FNBP1: variants seen among roughly 807,000 people sequenced by gnomAD.
FNBP1 encodes the protein formin-binding protein 1.
A neutral mutation model predicts 90.6 loss-of-function variants in FNBP1; 26 were observed. That is an observed-to-expected ratio of 0.29 (90% CI 0.21 to 0.40). The LOEUF (loss-of-function observed/expected upper bound fraction) is 0.40. Among genes scored for constraint, FNBP1 ranks in the 10% least tolerant of loss-of-function variants. The pLI is 1.00. For missense variants in FNBP1, 635 were observed against 768.0 expected (o/e 0.83, Z 2.05); for synonymous variants, 260 against 265.2 (o/e 0.98, Z 0.19).
In FNBP1 at chr9:129,925,589, C is replaced by CTTTTT. The variant is rs576015094; in HGVS notation, c.790-437_790-433dup. ...TTGATAATAACTTTTTTCCTAGTAG[C>CTTTTT]TTTTTTTTTTTTTTTTTTTTTTTTG... On this transcript the variant is annotated intron_variant, in intron 8 of 16. Transcript: ENST00000446176. 5.9e-3 allele frequency among the ~76,000 whole-genome samples: 395 copies of CTTTTT among 67,126 alleles called. 21 individuals are homozygous for CTTTTT. Among genetic ancestry groups the CTTTTT allele is most frequent in the African/African-American group, 9.0e-3 (157 of 17,362 alleles). The allele number at this position is 67,126 out of a possible 152,430, so 44.0% of individuals were successfully genotyped here.
At chr9:129,995,085 G>A in intron 1 of FNBP1, 127 bp from the exon 2 acceptor site, 1 of 622,464 alleles carries the variant, frequency 1.6e-6, no homozygotes. Context: ...GATTATACTT[G>A]GGGTGCTTTT....
chr9:130,035,614 A>G (rs962860817), intron 1 of FNBP1, among the ~76,000 whole-genome samples: 1 of 152,214 alleles, frequency 6.6e-6, no homozygotes, highest in Non-Finnish European at 1.5e-5. Flanking sequence ...GTAGGCACTC[A>G]ATAAATGGCA....
chr9:129,999,904 G>A (rs936707373), intron 1 of FNBP1, among the ~76,000 whole-genome samples: 1 of 152,020 alleles, frequency 6.6e-6, no homozygotes, highest in Non-Finnish European at 1.5e-5. Flanking sequence ...AATCTATTAC[G>A]ATTCTTTACT....
intron 11 of FNBP1, 26 bp downstream of exon 11, chr9:129,915,940 G>C: frequency 6.3e-7 from 1 of 1,588,578 alleles, no homozygotes. Flanking sequence ...TTAGACTCAG[G>C]ACATGCATGG....
intron 4 of FNBP1, among the ~76,000 whole-genome samples, chr9:129,972,404 G>C (rs1456518272): frequency 6.6e-6 from 1 of 152,150 alleles, no homozygotes; most frequent in Non-Finnish European, 1.5e-5. Context: ...AGAGTGCTGG[G>C]ATTACCACTT....
Position 130,007,248 on chromosome 9 carries a change from A to AAAG in FNBP1, c.25-12291_25-12290insCTT, listed in dbSNP as rs1260992005. ...CAGAGTGAGATCCTGTCAAAAAAAA[A>AAAG]AAAAAAAAAGAAAAAAAAAAAGAAT... On this transcript the variant is annotated intron_variant, in intron 1 of 16. Coordinates refer to ENST00000446176, the MANE Select transcript of FNBP1 (RefSeq NM_015033.3). 4.0e-5 allele frequency among the ~76,000 whole-genome samples: 6 copies of AAAG among 149,000 alleles called. 1 individual carries two copies. The East Asian group carries it at 9.7e-4, about 24-fold the overall frequency.
chr9:129,899,236 C>CCCAG (rs2036389590), intron 15 of FNBP1, among the ~76,000 whole-genome samples: 1 of 152,016 alleles, frequency 6.6e-6, no homozygotes, highest in South Asian at 2.1e-4. Flanking sequence ...TGCCAGCATG[C>CCCAG]CCAGCCAGTT....
intron 4 of FNBP1, among the ~76,000 whole-genome samples, chr9:129,958,975 A>G (rs1391757589): frequency 3.7e-5 from 5 of 135,806 alleles, no homozygotes; most frequent in East Asian, 2.1e-4. Context: ...GACACAGTGA[A>G]ACTCTGCCTC....
chr9:129,964,992 GAA>G (rs1044665456), intron 4 of FNBP1, among the ~76,000 whole-genome samples: 1 of 152,162 alleles, frequency 6.6e-6, no homozygotes, highest in African/African-American at 2.4e-5. Context: ...AAAGGGCAAA[GAA>G]AGAGGGAGCT....
At chr9:130,027,895 G>T (rs976672665) in intron 1 of FNBP1, among the ~76,000 whole-genome samples, 1 of 151,838 alleles carries the variant, frequency 6.6e-6, no homozygotes, top group East Asian at 1.9e-4. Flanking sequence ...AGAAAAAAAC[G>T]CACGGCTATT....
intron 1 of FNBP1, among the ~76,000 whole-genome samples, chr9:130,022,228 C>T (rs1356390351): frequency 4.7e-5 from 7 of 148,666 alleles, no homozygotes; most frequent in Non-Finnish European, 8.9e-5. Context: ...TTTTTTGAGA[C>T]GGAGTCTCAC....
At chr9:129,898,395 G>A (rs2036197647) in intron 15 of FNBP1, among the ~76,000 whole-genome samples, 1 of 151,976 alleles carries the variant, frequency 6.6e-6, no homozygotes, top group Admixed American at 6.6e-5. Context: ...CACCCCCCAT[G>A]CCATGGCAAG....
chr9:129,990,446 C>A (rs573657985), intron 2 of FNBP1, among the ~76,000 whole-genome samples: 3 of 151,950 alleles, frequency 2.0e-5, no homozygotes, highest in Non-Finnish European at 4.4e-5. Context: ...GAAGGGCTAG[C>A]GCAATAGCTC....
At chr9:130,001,257 G>T (rs554579235) in intron 1 of FNBP1, among the ~76,000 whole-genome samples, 1 of 150,756 alleles carries the variant, frequency 6.6e-6, no homozygotes, top group South Asian at 2.1e-4. Context: ...GCTTGAACCC[G>T]GGAGGCGGAG....
chr9:129,972,309 T>C (rs1227575170), intron 4 of FNBP1, among the ~76,000 whole-genome samples: 2 of 151,840 alleles, frequency 1.3e-5, no homozygotes, highest in East Asian at 3.9e-4. Flanking sequence ...AATTTTTATA[T>C]TTTTAGTAAA....
In FNBP1 at chr9:129,923,898, G is replaced by C; in HGVS notation, c.1116C>G (p.Asn372Lys). Residue 372 changes from asparagine to lysine, a missense_variant, in exon 10 of 17, where the codon AAC becomes AAG. Asn to Lys is a moderately conservative substitution (Grantham distance 94). Transcript: ENST00000446176. ...TTTTGGGTTTGGAGGTCATGAACTC[G>C]TTGAAGCGATGGGAGAGGGGTTCCT... The part of the protein sequence containing the change: ...QQKEPLSHRF[N>K]EFMTSKPKIH... 1 of 1,602,326 alleles carries C rather than the reference G, an allele frequency of 6.2e-7. No individual in the cohort carries two copies. The highest frequency in any genetic ancestry group is 1.1e-5 in the South Asian group (1 of 88,874).
intron 2 of FNBP1, among the ~76,000 whole-genome samples, chr9:129,989,321 G>A (rs912324475): frequency 6.6e-6 from 1 of 152,186 alleles, no homozygotes; most frequent in Non-Finnish European, 1.5e-5. Flanking sequence ...GTTCATTCAA[G>A]CATCCCTAGT....
intron 1 of FNBP1, among the ~76,000 whole-genome samples, chr9:130,003,207 C>A (rs2055123565): frequency 6.6e-6 from 1 of 151,988 alleles, no homozygotes; most frequent in Admixed American, 6.6e-5. Flanking sequence ...ACCTGTAATC[C>A]CAGTACTTTG....
chr9:129,922,676 A>G (rs551164649), intron 10 of FNBP1, among the ~76,000 whole-genome samples: 9 of 152,274 alleles, frequency 5.9e-5, no homozygotes, highest in Admixed American at 3.9e-4. Context: ...CAATCAACAG[A>G]TATTTTATCA....
Sources: allele counts gnomAD v4.1 joint callset (sites outside exome capture counted in the v4.1 genomes callset), GRCh38; gene constraint gnomAD v4.1.1; transcripts MANE v1.5; gene names NCBI Gene and HGNC (gene_info 2026-07-23, HGNC 2026-07-21).